The following TCF7L2 variants were observed in gnomAD, a reference collection of about 807,000 sequenced individuals.
TCF7L2 encodes transcription factor 7-like 2.
TCF7L2 carries 23 observed loss-of-function variants against 77.9 expected under a neutral mutation model. The ratio of observed to expected loss-of-function variants is 0.30; its 90% CI spans 0.21 to 0.42. The LOEUF (loss-of-function observed/expected upper bound fraction) is 0.42, where lower values mean the gene tolerates loss of function less well. Among genes scored for constraint, TCF7L2 ranks in the 10% least tolerant of loss-of-function variants. The probability of loss-of-function intolerance (pLI) is 1.00; values close to 1 mark genes in which losing one functional copy is unlikely to be tolerated. For missense variants in TCF7L2, 654 were observed against 793.1 expected (o/e 0.82, Z 2.11); for synonymous variants, 413 against 340.2 (o/e 1.21, Z -2.36).
intron 5 of TCF7L2, among the ~76,000 whole-genome samples, chr10:113,080,716 A>T (rs1564867142): frequency 6.6e-6 from 1 of 152,226 alleles, no homozygotes; most frequent in African/African-American, 2.4e-5. Context: ...CTCTTAACCA[A>T]CATGGCTTGT....
chr10:112,996,013 T>A (rs185043417), intron 4 of TCF7L2, among the ~76,000 whole-genome samples: 2 of 152,350 alleles, frequency 1.3e-5, no homozygotes, highest in East Asian at 3.9e-4. Flanking sequence ...AACATTTATT[T>A]AAAAATTTTG....
At chr10:113,070,214 C>G (rs2057786961) in intron 5 of TCF7L2, among the ~76,000 whole-genome samples, 1 of 149,028 alleles carries the variant, frequency 6.7e-6, no homozygotes, top group Admixed American at 6.7e-5. Context: ...CGAGATGGTG[C>G]CACTGCACTC....
At chr10:112,956,301 A>G (rs2033579863) in intron 3 of TCF7L2, among the ~76,000 whole-genome samples, 1 of 145,364 alleles carries the variant, frequency 6.9e-6, no homozygotes. Flanking sequence ...AGATGACATT[A>G]TATTGGGGGA....
chr10:112,980,923 G>C, intron 4 of TCF7L2, among the ~76,000 whole-genome samples: 1 of 152,138 alleles, frequency 6.6e-6, no homozygotes, highest in Non-Finnish European at 1.5e-5. Context: ...ACCATTCCCG[G>C]CCAAAGCATT....
chr10:112,951,302 G>C, intron 2 of TCF7L2, 29 bp downstream of exon 2: 2 of 1,110,982 alleles, frequency 1.8e-6, no homozygotes, highest in Non-Finnish European at 2.2e-6. Context: ...CCCCGCAGCC[G>C]CCCGGAGCCG....
intron 4 of TCF7L2, among the ~76,000 whole-genome samples, chr10:112,975,376 A>G (rs2039202110): frequency 6.6e-6 from 1 of 152,184 alleles, no homozygotes; most frequent in Admixed American, 6.5e-5. Flanking sequence ...GGATGACTTA[A>G]TGCAGGACTT....
At chr10:113,109,962 T>C (rs970412366) in intron 5 of TCF7L2, among the ~76,000 whole-genome samples, 1 of 152,362 alleles carries the variant, frequency 6.6e-6, no homozygotes, top group East Asian at 1.9e-4. Context: ...AGTGACTTGT[T>C]TGAAGATTAT....
chr10:113,109,798 C>A (rs1049823027), intron 5 of TCF7L2, among the ~76,000 whole-genome samples: 2 of 152,240 alleles, frequency 1.3e-5, no homozygotes, highest in Non-Finnish European at 2.9e-5. Context: ...CTTTTATAAT[C>A]AACAGGCTTA....
At chr10:113,102,661 G>A (rs768196975) in intron 5 of TCF7L2, among the ~76,000 whole-genome samples, 2 of 152,038 alleles carry the variant, frequency 1.3e-5, no homozygotes, top group Admixed American at 1.3e-4. Context: ...CCCGACCTCA[G>A]GTGATCTGTC....
At chr10:113,152,013 AT>A (rs2137164912) in intron 10 of TCF7L2, 129 bp downstream of exon 10, 1 of 1,302,778 alleles carries the variant, frequency 7.7e-7, no homozygotes, top group East Asian at 2.4e-5. Context: ...CACATTCTGA[AT>A]CCTTGAATGG....
intron 4 of TCF7L2, among the ~76,000 whole-genome samples, chr10:113,003,684 G>A (rs1049773588): frequency 3.3e-5 from 5 of 152,226 alleles, no homozygotes; most frequent in African/African-American, 1.2e-4. Context: ...TCTGAGGACC[G>A]TGGATGGGAT....
At chr10:112,953,207 A>G (rs1589602584) in intron 3 of TCF7L2, among the ~76,000 whole-genome samples, 1 of 151,344 alleles carries the variant, frequency 6.6e-6, no homozygotes, top group South Asian at 2.1e-4. Context: ...AGGGCATGCT[A>G]GACCGGTCAT....
intron 5 of TCF7L2, among the ~76,000 whole-genome samples, chr10:113,097,728 T>C (rs1339740930): frequency 1.4e-5 from 2 of 147,642 alleles, no homozygotes; most frequent in Non-Finnish European, 3.0e-5. Flanking sequence ...CCTGGAGGGA[T>C]TTCTTATGGC....
At chr10:112,974,350 C>T (rs1437667498) in intron 4 of TCF7L2, among the ~76,000 whole-genome samples, 2 of 152,210 alleles carry the variant, frequency 1.3e-5, no homozygotes. Context: ...AAGAAAAAAA[C>T]AACTGTCGTA....
At chr10:113,134,825 A>G (rs1048288908) in intron 5 of TCF7L2, among the ~76,000 whole-genome samples, 2 of 152,174 alleles carry the variant, frequency 1.3e-5, no homozygotes, top group South Asian at 2.1e-4. Flanking sequence ...AAGACCTTCC[A>G]TGCCCACCCT....
At chr10:113,092,788 T>G (rs571770406) in intron 5 of TCF7L2, among the ~76,000 whole-genome samples, 5 of 152,102 alleles carry the variant, frequency 3.3e-5, no homozygotes, top group Non-Finnish European at 7.4e-5. Flanking sequence ...TGCTTGAATC[T>G]GGGGGACGGA....
intron 4 of TCF7L2, among the ~76,000 whole-genome samples, chr10:112,971,421 G>A (rs750342536): frequency 6.6e-6 from 1 of 152,054 alleles, no homozygotes; most frequent in Non-Finnish European, 1.5e-5. Flanking sequence ...CGATTCCCGT[G>A]CCTCAGCCTT....
intron 5 of TCF7L2, among the ~76,000 whole-genome samples, chr10:113,108,433 A>T (rs748566530): frequency 2.5e-4 from 38 of 150,822 alleles, no homozygotes; most frequent in Non-Finnish European, 1.6e-4. Flanking sequence ...GGGGGATTGA[A>T]TGGGGCCATT....
chr10:113,048,599 G>A (rs2053854583), intron 5 of TCF7L2, among the ~76,000 whole-genome samples: 1 of 152,174 alleles, frequency 6.6e-6, no homozygotes, highest in South Asian at 2.1e-4. Flanking sequence ...TTTAATTTGG[G>A]GTTATGACAC....
Sources: allele counts gnomAD v4.1 joint callset (sites outside exome capture counted in the v4.1 genomes callset), GRCh38; gene constraint gnomAD v4.1.1; transcripts MANE v1.5; gene names NCBI Gene and HGNC (gene_info 2026-07-23, HGNC 2026-07-21).